Variants in DNAJC13 observed in about 807,000 individuals in gnomAD.
DNAJC13 encodes DnaJ heat shock protein family (Hsp40) member C13, also known as dnaJ homolog subfamily C member 13.
Under a neutral mutation model 290.5 loss-of-function variants are expected in DNAJC13, and 75 were observed. The ratio of observed to expected loss-of-function variants is 0.26; its 90% confidence interval spans 0.21 to 0.31. The LOEUF (loss-of-function observed/expected upper bound fraction) is 0.31. Among genes scored for constraint, DNAJC13 ranks in the 10% least tolerant of loss-of-function variants. DNAJC13 has a pLI of 1.00. For missense variants in DNAJC13, 2,260 were observed against 2,674.5 expected (o/e 0.85, Z 3.42); for synonymous variants, 862 against 892.0 (o/e 0.97, Z 0.60).
At chr3:132,494,985 C>T (rs1281014557) in intron 34 of DNAJC13, 103 bp from the exon 35 acceptor site, 25 of 736,038 alleles carry the variant, frequency 3.4e-5, no homozygotes, top group Non-Finnish European at 5.0e-5. Context: ...TAATCATATA[C>T]AATTCTTGAT....
chr3:132,533,275 G>A (rs1481424401), intron 55 of DNAJC13, among the ~76,000 whole-genome samples: 1 of 148,790 alleles, frequency 6.7e-6, no homozygotes, highest in African/African-American at 2.5e-5. Context: ...CAGGTGATCT[G>A]CCCACTTCGG....
chr3:132,453,265 A>C (rs1453351539), intron 6 of DNAJC13, 33 bp from the exon 7 acceptor site: 1 of 1,597,300 alleles, frequency 6.3e-7, no homozygotes, highest in Non-Finnish European at 8.5e-7. Flanking sequence ...AGTTGTTTCA[A>C]CTCTGACTTT....
intron 43 of DNAJC13, among the ~76,000 whole-genome samples, chr3:132,509,861 T>C (rs1473510774): frequency 5.0e-4 from 76 of 152,332 alleles, no homozygotes; most frequent in African/African-American, 1.7e-3. Flanking sequence ...CAGTATAATG[T>C]AAAAATAACT....
At chr3:132,454,462 C>T (rs1375091117) in intron 9 of DNAJC13, among the ~76,000 whole-genome samples, 2 of 151,662 alleles carry the variant, frequency 1.3e-5, no homozygotes, top group South Asian at 2.1e-4. Context: ...GCTGGGATTA[C>T]AGGTGTGCGC....
At position 132,516,950 on chromosome 3, in the gene DNAJC13, C is replaced by G. The variant is rs954309; in HGVS notation, c.5673+134C>G. On this transcript the variant is annotated intron_variant, in intron 48 of 55. Transcript: ENST00000260818. The stretch of plus-strand genomic sequence containing the variant: ...GAGGTGATGTGAAAGTTGGAAAATT[C>G]ACATTCCGGGAATTGTTCCTATGTA... The G allele has an allele frequency of 0.53, 406,209 of 759,404 alleles. 115,589 individuals are homozygous for G. The highest frequency in any genetic ancestry group is 0.9 in the East Asian group (32,817 of 36,266). 47.0% of individuals were successfully genotyped at this position (759,404 alleles called of 1,614,324 possible). A position where few individuals can be genotyped will look rare whatever the true frequency, so the allele number is the denominator to read the frequency against.
chr3:132,445,481 G>T (rs535988401), intron 2 of DNAJC13, among the ~76,000 whole-genome samples: 1 of 152,046 alleles, frequency 6.6e-6, no homozygotes, highest in South Asian at 2.1e-4. Context: ...AAATTGAGAA[G>T]CTGTTTTTAC....
intron 1 of DNAJC13, among the ~76,000 whole-genome samples, chr3:132,423,903 T>TA (rs1466902152): frequency 6.6e-6 from 1 of 152,204 alleles, no homozygotes; most frequent in Non-Finnish European, 1.5e-5. Context: ...ATATGGCTGC[T>TA]AAAAATTTCT....
At chr3:132,428,543 CA>C (rs1939163767) in intron 1 of DNAJC13, among the ~76,000 whole-genome samples, 2 of 151,282 alleles carry the variant, frequency 1.3e-5, no homozygotes, top group Non-Finnish European at 2.9e-5. Context: ...CTTCTGGACT[CA>C]AGTGATCCTC....
intron 5 of DNAJC13, among the ~76,000 whole-genome samples, chr3:132,450,382 T>C (rs555181020): frequency 6.6e-6 from 1 of 152,164 alleles, no homozygotes; most frequent in South Asian, 2.1e-4. Context: ...TTACATAGAG[T>C]GGCTTAAAAT....
At chr3:132,517,764 A>G (rs868418960) in intron 48 of DNAJC13, among the ~76,000 whole-genome samples, 2 of 151,698 alleles carry the variant, frequency 1.3e-5, no homozygotes, top group Admixed American at 6.6e-5. Context: ...GTTCAGTTTG[A>G]AAAAAAAAGT....
intron 1 of DNAJC13, among the ~76,000 whole-genome samples, chr3:132,417,978 C>T (rs150134492): frequency 3.3e-5 from 5 of 152,290 alleles, no homozygotes; most frequent in African/African-American, 9.6e-5. Flanking sequence ...CAGGGCGCTG[C>T]CCTGTCCAGC....
At chr3:132,516,042 A>C (rs893349858) in intron 46 of DNAJC13, among the ~76,000 whole-genome samples, 1 of 152,246 alleles carries the variant, frequency 6.6e-6, no homozygotes, top group Admixed American at 6.5e-5. Context: ...CCCTCAAGAC[A>C]GTAGCACCAG....
chr3:132,472,605 C>T, intron 20 of DNAJC13: 2 of 985,052 alleles, frequency 2.0e-6, no homozygotes, highest in South Asian at 9.4e-5. Context: ...GTGTGAAATG[C>T]ATTAAGCTGC....
intron 1 of DNAJC13, among the ~76,000 whole-genome samples, chr3:132,422,830 T>C (rs1333319069): frequency 6.6e-6 from 1 of 152,180 alleles, no homozygotes; most frequent in Non-Finnish European, 1.5e-5. Context: ...GGACTACTTG[T>C]GAAAAAGAGT....
At chr3:132,516,179 C>G (rs933689797) in intron 46 of DNAJC13, among the ~76,000 whole-genome samples, 2 of 152,146 alleles carry the variant, frequency 1.3e-5, no homozygotes, top group African/African-American at 4.8e-5. Context: ...ACTTTGGAGG[C>G]AGACCTGCAT....
intron 55 of DNAJC13, among the ~76,000 whole-genome samples, chr3:132,533,998 T>C (rs1364434513): frequency 6.6e-6 from 1 of 152,116 alleles, no homozygotes; most frequent in Non-Finnish European, 1.5e-5. Context: ...TGCGGTGGCT[T>C]CTGAATGAGA....
At chr3:132,457,134 A>T (rs1026067437) in intron 12 of DNAJC13, 135 bp from the exon 13 acceptor site, 1 of 736,714 alleles carries the variant, frequency 1.4e-6, no homozygotes, top group South Asian at 2.3e-5. Flanking sequence ...GAAGACTGAT[A>T]AATTTCAGAG....
chr3:132,481,868 G>T (rs868109564), intron 26 of DNAJC13, among the ~76,000 whole-genome samples: 1 of 152,050 alleles, frequency 6.6e-6, no homozygotes, highest in Non-Finnish European at 1.5e-5. Context: ...TTAATGATAC[G>T]TATCTATTTA....
chr3:132,461,748 G>T (rs577600190), intron 15 of DNAJC13, among the ~76,000 whole-genome samples: 1 of 152,028 alleles, frequency 6.6e-6, no homozygotes, highest in African/African-American at 2.4e-5. Flanking sequence ...CTGGAGTGCG[G>T]TGATGCAATC....
Sources: gnomAD v4.1 joint callset for allele counts (sites outside exome capture counted in the v4.1 genomes callset) on GRCh38, gnomAD v4.1.1 for gene constraint, MANE v1.5 for transcripts, NCBI Gene and HGNC (gene_info 2026-07-23, HGNC 2026-07-21) for gene names.